Variants in NDRG4 observed in about 807,000 individuals in gnomAD.
NDRG4 encodes NDRG family member 4, also known as protein NDRG4.
Under a neutral mutation model 55.8 loss-of-function variants are expected in NDRG4, and 38 were observed. That is an observed-to-expected ratio of 0.68 (90% confidence interval 0.53 to 0.89). The LOEUF (loss-of-function observed/expected upper bound fraction) is 0.89, where lower values mean the gene tolerates loss of function less well. Ranked by LOEUF, NDRG4 falls within the 40% of genes least tolerant of loss-of-function variation. The pLI, the probability that NDRG4 is intolerant of heterozygous loss-of-function variation, is 0.00. For synonymous variants in NDRG4, 190 were observed against 182.7 expected, an observed-to-expected ratio of 1.04 and a Z score of -0.32; for missense variants, 455 against 468.6, an observed-to-expected ratio of 0.97 and a Z score of 0.27.
intron 1 of NDRG4, among the ~76,000 whole-genome samples, chr16:58,481,622 G>T (rs539528089): frequency 6.6e-6 from 1 of 152,138 alleles, no homozygotes; most frequent in Non-Finnish European, 1.5e-5. Flanking sequence ...AATGTCCCTT[G>T]CATCCTCCTG....
chr16:58,502,416 A>G (rs2037288597), intron 1 of NDRG4, among the ~76,000 whole-genome samples: 1 of 152,168 alleles, frequency 6.6e-6, no homozygotes. Context: ...GGAGGACAAC[A>G]GGGAAATAAA....
intron 11 of NDRG4, 21 bp downstream of exon 11, chr16:58,509,030 C>G (rs2038418340): frequency 6.2e-7 from 1 of 1,614,134 alleles, no homozygotes; most frequent in East Asian, 2.2e-5. Flanking sequence ...CTTCCCCAGC[C>G]CTGGGCCAGC....
At chr16:58,497,601 G>A (rs914040379), upstream of NDRG4, among the ~76,000 whole-genome samples, 3 of 152,188 alleles carry the variant, frequency 2.0e-5, no homozygotes, top group African/African-American at 7.2e-5. Flanking sequence ...AGTAGGCACT[G>A]CTGTTTCTCC....
chr16:58,507,658 C>T, intron 8 of NDRG4, 150 bp from the exon 9 acceptor site: 2 of 749,202 alleles, frequency 2.7e-6, no homozygotes, highest in Non-Finnish European at 4.4e-6. Flanking sequence ...CTAGGGAGTC[C>T]AAAAAGCCGT....
chr16:58,507,328 A>C (rs1471140724), intron 8 of NDRG4: 1 of 421,406 alleles, frequency 2.4e-6, no homozygotes, highest in Admixed American at 3.7e-5. Context: ...ACGTCTGCAA[A>C]ATGAGGAAGA....
intron 1 of NDRG4, among the ~76,000 whole-genome samples, chr16:58,484,630 C>T (rs891468485): frequency 2.0e-5 from 3 of 152,178 alleles, no homozygotes; most frequent in South Asian, 2.1e-4. Flanking sequence ...TCCCTGCACA[C>T]GCGTCTCCTG....
intron 1 of NDRG4, among the ~76,000 whole-genome samples, chr16:58,470,401 A>G (rs2032539747): frequency 6.6e-6 from 1 of 152,170 alleles, no homozygotes; most frequent in African/African-American, 2.4e-5. Flanking sequence ...CAGCAAAGTG[A>G]AAAATAGAGG....
At chr16:58,501,956 T>C (rs958382619) in intron 1 of NDRG4, 5 of 455,512 alleles carry the variant, frequency 1.1e-5, no homozygotes, top group Non-Finnish European at 1.8e-5. Flanking sequence ...AGGAGGCGCA[T>C]TGCAGTTCTT....
At chr16:58,484,400 T>C (rs1356740752) in intron 1 of NDRG4, among the ~76,000 whole-genome samples, 1 of 152,206 alleles carries the variant, frequency 6.6e-6, no homozygotes, top group Non-Finnish European at 1.5e-5. Context: ...TTATTGTTTC[T>C]ATTGTACCTC....
chr16:58,514,782 CTGAG>C (rs2039066262), downstream of NDRG4, among the ~76,000 whole-genome samples: 1 of 123,854 alleles, frequency 8.1e-6, no homozygotes, highest in Non-Finnish European at 1.7e-5. Context: ...AAAAAAAAAA[CTGAG>C]TGTTGAGCTG....
chr16:58,474,956 C>T (rs181394948), intron 1 of NDRG4, among the ~76,000 whole-genome samples: 10 of 152,350 alleles, frequency 6.6e-5, no homozygotes, highest in African/African-American at 2.2e-4. Context: ...CAGAGTCCCT[C>T]TCTGCCAGAT....
intron 1 of NDRG4, among the ~76,000 whole-genome samples, chr16:58,484,557 G>T (rs1399196544): frequency 6.6e-6 from 1 of 152,196 alleles, no homozygotes; most frequent in African/African-American, 2.4e-5. Flanking sequence ...CTGAGAAGTA[G>T]AAGCATTTGG....
chr16:58,480,475 C>G (rs1042009406), intron 1 of NDRG4, among the ~76,000 whole-genome samples: 1 of 152,224 alleles, frequency 6.6e-6, no homozygotes, highest in African/African-American at 2.4e-5. Flanking sequence ...CTCTTGACAG[C>G]CAGCCCTGTC....
chr16:58,471,149 C>T (rs1384341651), intron 1 of NDRG4, among the ~76,000 whole-genome samples: 1 of 145,824 alleles, frequency 6.9e-6, no homozygotes, highest in Non-Finnish European at 1.5e-5. Context: ...TTTTGAACAT[C>T]TGACCTCCAG....
intron 1 of NDRG4, among the ~76,000 whole-genome samples, chr16:58,478,067 C>G (rs2033913153): frequency 6.6e-6 from 1 of 152,162 alleles, no homozygotes; most frequent in Non-Finnish European, 1.5e-5. Context: ...CGAGGACATT[C>G]TACTGACTAA....
intron 14 of NDRG4, 48 bp from the exon 15 acceptor site, chr16:58,511,374 C>A (rs1597358985): frequency 6.5e-7 from 1 of 1,540,710 alleles, no homozygotes; most frequent in South Asian, 1.2e-5. Context: ...ACCAGAGGCA[C>A]CTGGCCCTGC....
rs118005768 is a variant in NDRG4 at position 58,465,728 on chromosome 16, A to T, written c.-24+1931A>T. Reference sequence around the variant, plus strand: ...AGCCTGGGTAACATAGCGAGACCCCATCTTTACAAAAAAATAAATAAATAA... The same window carrying T: ...AGCCTGGGTAACATAGCGAGACCCCTTCTTTACAAAAAAATAAATAAATAA... On this transcript the variant is annotated intron_variant, in intron 1 of 15. Transcript: ENST00000258187. Among the ~76,000 whole-genome samples, 532 of 152,312 alleles carry T rather than the reference A, an allele frequency of 3.5e-3. 2 individuals are homozygous for T. The highest frequency in any genetic ancestry group is 5.9e-3 in the Non-Finnish European group (398 of 68,028).
chr16:58,470,481 T>C (rs901910800), intron 1 of NDRG4, among the ~76,000 whole-genome samples: 1 of 152,210 alleles, frequency 6.6e-6, no homozygotes, highest in Non-Finnish European at 1.5e-5. Flanking sequence ...AAAGATATCC[T>C]AATCACTAGA....
chr16:58,503,703 C>T lies in NDRG4; in HGVS notation c.22-95C>T, dbSNP rs1367440751. On this transcript the variant is annotated intron_variant, in intron 1 of 14. Coordinates refer to ENST00000570248, the MANE Select transcript of NDRG4 (RefSeq NM_001242835.2). The stretch of plus-strand genomic sequence containing the variant: ...GATGCCCCAAGTAGGGGCTCTACCA[C>T]AGGCCTAACAGGTACCAGGCTGCGT... The T allele has an allele frequency of 4.5e-6, 7 of 1,571,040 alleles. No individual in the cohort carries two copies. In the South Asian group the frequency reaches 4.6e-5, roughly 10 times the overall value.
Sources: gnomAD v4.1 joint callset for allele counts (sites outside exome capture counted in the v4.1 genomes callset) on GRCh38, gnomAD v4.1.1 for gene constraint, MANE v1.5 for transcripts, NCBI Gene and HGNC (gene_info 2026-07-23, HGNC 2026-07-21) for gene names.